DTNB: variants seen among roughly 807,000 people sequenced by gnomAD.
DTNB encodes dystrobrevin beta.
A neutral mutation model predicts 90.7 loss-of-function variants in DTNB; 63 were observed. The observed-to-expected ratio is 0.69, with a 90% CI of 0.57 to 0.86. The LOEUF (loss-of-function observed/expected upper bound fraction) is 0.86, where lower values mean the gene tolerates loss of function less well. Among genes scored for constraint, DTNB ranks in the 40% least tolerant of loss-of-function variants. The pLI is 0.00. For missense variants in DTNB, 744 were observed against 807.1 expected, an observed-to-expected ratio of 0.92 and a Z score of 0.95; for synonymous variants, 277 against 286.7, an observed-to-expected ratio of 0.97 and a Z score of 0.34.
chr2:25,594,184 G>A (rs2064112594), intron 6 of DTNB, among the ~76,000 whole-genome samples: 1 of 152,180 alleles, frequency 6.6e-6, no homozygotes, highest in African/African-American at 2.4e-5. Flanking sequence ...ATTATGTTCA[G>A]ACAACCTCAC....
At chr2:25,497,829 A>G (rs2150530033) in intron 9 of DTNB, among the ~76,000 whole-genome samples, 1 of 152,222 alleles carries the variant, frequency 6.6e-6, no homozygotes, top group Admixed American at 6.5e-5. Context: ...CCACCATCAC[A>G]TTTCAGCCCT....
intron 2 of DTNB, among the ~76,000 whole-genome samples, chr2:25,639,902 G>A (rs140576419): frequency 7.7e-4 from 117 of 152,328 alleles, no homozygotes; most frequent in African/African-American, 2.6e-3. Flanking sequence ...TGAGAAGATC[G>A]TACGAAGAAG....
intron 1 of DTNB, among the ~76,000 whole-genome samples, chr2:25,668,195 C>T (rs189305260): frequency 8.7e-4 from 133 of 152,072 alleles, no homozygotes; most frequent in African/African-American, 3.0e-3. Flanking sequence ...GCCGAGATCG[C>T]GCCACTGCAC....
intron 10 of DTNB, among the ~76,000 whole-genome samples, chr2:25,471,329 G>A (rs909618823): frequency 2.7e-5 from 4 of 150,746 alleles, no homozygotes; most frequent in African/African-American, 4.9e-5. Flanking sequence ...AGTAGCAGTC[G>A]TGATGCTATC....
intron 14 of DTNB, among the ~76,000 whole-genome samples, chr2:25,432,243 A>ACACACC (rs1491297106): frequency 1.4e-5 from 2 of 139,670 alleles, no homozygotes; most frequent in African/African-American, 2.7e-5. Flanking sequence ...ACACACACAC[A>ACACACC]CCCCTTTCTA....
chr2:25,432,960 G>A lies in DTNB; in HGVS notation c.1383C>T (p.His461=), dbSNP rs200244787. 51 of 1,610,910 alleles carry A rather than the reference G, an allele frequency of 3.2e-5. No individual in the cohort carries two copies. The highest frequency in any genetic ancestry group is 1.9e-4 in the South Asian group (17 of 90,308). ...CAGGGGTGGGCTGGGAGGCCTGCTC[G>A]TGTTCCAGGCGGAGACGCTGAATCT... The part of the protein sequence containing the change: ...LQEIQRLRLE[H]EQASQPTPEK... Residue 461 remains histidine, a synonymous_variant, in exon 14 of 21, where the codon CAC becomes CAT. Coordinates refer to ENST00000406818, the MANE Select transcript of DTNB (RefSeq NM_021907.5).
At chr2:25,652,700 TC>T in intron 1 of DTNB, 39 bp from the exon 2 acceptor site, 1 of 1,592,468 alleles carries the variant, frequency 6.3e-7, no homozygotes, top group South Asian at 1.1e-5. Context: ...ACTGTATAAT[TC>T]GACAATTCAA....
rs1472221626 is a variant in DTNB, at chr2:25,385,080, G to A, written c.1826-1191C>T. On this transcript the variant is annotated intron_variant, in intron 18 of 20. Transcript: ENST00000406818. ...TTTAGTAGAGACGGGGTTTCATCATGTTGGTCAGGCTGGTCTTAAACTCCT... is the reference window on the plus strand; with the variant it reads ...TTTAGTAGAGACGGGGTTTCATCATATTGGTCAGGCTGGTCTTAAACTCCT... 2.6e-5 allele frequency among the ~76,000 whole-genome samples: 4 copies of A among 152,002 alleles called. No homozygotes were observed. In the South Asian group the frequency reaches 8.3e-4, roughly 32 times the overall value.
At chr2:25,582,286 C>T (rs995321259) in intron 6 of DTNB, among the ~76,000 whole-genome samples, 1 of 152,138 alleles carries the variant, frequency 6.6e-6, no homozygotes, top group Non-Finnish European at 1.5e-5. Context: ...ATCAGACCAA[C>T]CACCGGAACC....
At chr2:25,629,242 A>C (rs1003937330) in intron 3 of DTNB, among the ~76,000 whole-genome samples, 1 of 152,252 alleles carries the variant, frequency 6.6e-6, no homozygotes, top group African/African-American at 2.4e-5. Context: ...AAAAACTTTC[A>C]AGAAAAAAGG....
intron 9 of DTNB, among the ~76,000 whole-genome samples, chr2:25,511,748 A>G (rs1429246208): frequency 3.3e-5 from 5 of 152,204 alleles, no homozygotes; most frequent in Admixed American, 1.3e-4. Context: ...AGTTTAATCA[A>G]TTTCTCAAAA....
At chr2:25,411,084 C>T (rs970348733) in intron 16 of DTNB, among the ~76,000 whole-genome samples, 16 of 152,108 alleles carry the variant, frequency 1.1e-4, no homozygotes, top group Admixed American at 3.3e-4. Flanking sequence ...CATAGCTGGG[C>T]GCGGTGGCTC....
intron 9 of DTNB, among the ~76,000 whole-genome samples, chr2:25,494,507 G>A (rs2068358003): frequency 6.6e-6 from 1 of 151,806 alleles, no homozygotes; most frequent in African/African-American, 2.4e-5. Flanking sequence ...GTGGTTGGGA[G>A]AGGAACTTAT....
intron 10 of DTNB, among the ~76,000 whole-genome samples, chr2:25,462,405 T>C (rs1449530477): frequency 1.3e-5 from 2 of 152,170 alleles, no homozygotes; most frequent in Middle Eastern, 6.8e-3. Context: ...AGGAGCAGCC[T>C]GGAGCCAATG....
At chr2:25,600,793 A>G (rs1442228954) in intron 5 of DTNB, among the ~76,000 whole-genome samples, 1 of 152,242 alleles carries the variant, frequency 6.6e-6, no homozygotes, top group African/African-American at 2.4e-5. Context: ...GAGTGACTGG[A>G]TAGTAAAATG....
intron 8 of DTNB, among the ~76,000 whole-genome samples, chr2:25,532,360 T>C (rs1028639393): frequency 1.3e-5 from 2 of 152,108 alleles, no homozygotes; most frequent in African/African-American, 4.8e-5. Flanking sequence ...CCCAAGATGT[T>C]AGGATATTCC....
At chr2:25,426,950 T>G (rs1443102483) in intron 15 of DTNB, among the ~76,000 whole-genome samples, 2 of 152,014 alleles carry the variant, frequency 1.3e-5, no homozygotes, top group African/African-American at 4.8e-5. Flanking sequence ...CTGAAGTGGG[T>G]GGATCACCTG....
intron 16 of DTNB, among the ~76,000 whole-genome samples, chr2:25,390,333 T>C (rs918782598): frequency 5.9e-5 from 9 of 152,184 alleles, no homozygotes; most frequent in African/African-American, 2.2e-4. Context: ...GGGCTAAAAC[T>C]ATAAAATTTC....
At chr2:25,526,557 G>A (rs977620519) in intron 9 of DTNB, among the ~76,000 whole-genome samples, 2 of 151,388 alleles carry the variant, frequency 1.3e-5, no homozygotes, top group African/African-American at 2.4e-5. Flanking sequence ...CGCCACGCCT[G>A]GCTAATTTTA....
Sources: allele counts gnomAD v4.1 joint callset (sites outside exome capture counted in the v4.1 genomes callset), GRCh38; gene constraint gnomAD v4.1.1; transcripts MANE v1.5; gene names NCBI Gene and HGNC (gene_info 2026-07-23, HGNC 2026-07-21).